The following ZNF888 variants were observed in gnomAD, a reference collection of about 807,000 sequenced individuals.
ZNF888 encodes the protein CTD-2331H12.6.
Under a neutral mutation model 7.2 loss-of-function variants are expected in ZNF888, and 5 were observed. That is an observed-to-expected ratio of 0.70 (90% CI 0.36 to 1.46). ZNF888 has a LOEUF of 1.46. Ranked by LOEUF, ZNF888 falls within the 40% of genes most tolerant of loss-of-function variation. The pLI, the probability that ZNF888 is intolerant of heterozygous loss-of-function variation, is 0.03. For missense variants in ZNF888, 716 were observed against 858.0 expected, an observed-to-expected ratio of 0.83 and a Z score of 2.07; for synonymous variants, 240 against 284.3, an observed-to-expected ratio of 0.84 and a Z score of 1.57.
rs575254330 is a variant in ZNF888 at position 52,918,107 on chromosome 19, C to T, written c.-58-176G>A. 6.0e-5 allele frequency: 85 copies of T among 1,405,938 alleles called. 1 individual carries two copies. The highest frequency in any genetic ancestry group is 7.5e-5 in the Non-Finnish European group (81 of 1,082,466). 87.1% of individuals were successfully genotyped at this position (1,405,938 alleles called of 1,614,324 possible). A position where few individuals can be genotyped will look rare whatever the true frequency, so the allele number is the denominator to read the frequency against. On this transcript the variant is annotated intron_variant, in intron 2 of 4. Transcript: ENST00000638862. ...CTCCTATAGGAAAACTCCCACTCCC[C>T]TTCTGGAGAAGCCCACACACACGCT...
rs934802193 is a variant in ZNF888, at chr19:52,913,659, T to G, written c.142+1537A>C. ...AATTTTAAGTTTCATTATTATACTA[T>G]AAGTTTAAGATGTTTAACATACCTG... On this transcript the variant is annotated intron_variant, in intron 4 of 4. Coordinates refer to ENST00000638862, the MANE Select transcript of ZNF888 (RefSeq NM_001393938.1). 5.4e-6 allele frequency: 5 copies of G among 925,544 alleles called. No individual in the cohort carries two copies. The African/African-American group carries it at 9.0e-5, about 17-fold the overall frequency. 57.3% of individuals were successfully genotyped at this position (925,544 alleles called of 1,614,324 possible).
In ZNF888 at chr19:52,919,892, C is replaced by T. The variant is rs1286912319; in HGVS notation, c.-177-955G>A. 5.0e-5 allele frequency among the ~76,000 whole-genome samples: 3 copies of T among 59,666 alleles called. 1 individual carries two copies. Among genetic ancestry groups the T allele is most frequent in the Admixed American group, 2.0e-4 (1 of 4,958 alleles). The allele number at this position is 59,666 out of a possible 152,430, so 39.1% of individuals were successfully genotyped here. On this transcript the variant is annotated intron_variant, in intron 1 of 4. Coordinates refer to ENST00000638862, the MANE Select transcript of ZNF888 (RefSeq NM_001393938.1). ...GAAACCCTCTGCCTGGCAACCGCCCCGTCTGAGAAGTGAGGAGCCCCTCCG... is the reference window on the plus strand; with the variant it reads ...GAAACCCTCTGCCTGGCAACCGCCCTGTCTGAGAAGTGAGGAGCCCCTCCG...
chr19:52,908,317 G>T, intron 4 of ZNF888, 138 bp from the exon 5 acceptor site: 3 of 824,900 alleles, frequency 3.6e-6, no homozygotes, highest in Admixed American at 2.6e-5. Flanking sequence ...AACACAAAAG[G>T]AGGAAGATCC....
rs186043801 is a variant in ZNF888 at position 52,912,905 on chromosome 19, T to C, written c.142+2291A>G. ...GGCAGATCAACTGAGGTCGGGAGTT[T>C]GAGACCACCCTAACCTACAAGGAGA... On this transcript the variant is annotated intron_variant, in intron 4 of 4. Transcript: ENST00000638862. Among the ~76,000 whole-genome samples the C allele has an allele frequency of 3.5e-3, 533 of 152,146 alleles. 4 individuals carry two copies. Among genetic ancestry groups the C allele is most frequent in the African/African-American group, 0.012 (509 of 41,540 alleles).
At chr19:52,915,477 T>TC (rs2064735293) in intron 3 of ZNF888, among the ~76,000 whole-genome samples, 155 bp from the exon 4 acceptor site, 1 of 45,634 alleles carries the variant, frequency 2.2e-5, no homozygotes, top group Non-Finnish European at 5.3e-5. Context: ...GTATTTTTTT[T>TC]CTTCTTTTTC....
At chr19:52,919,960 C>G (rs1188478244) in intron 1 of ZNF888, among the ~76,000 whole-genome samples, 2 of 56,020 alleles carry the variant, frequency 3.6e-5, no homozygotes, top group East Asian at 3.1e-4. Context: ...CCCCTCTGCC[C>G]GGCCAGCCGC....
At position 52,907,858 on chromosome 19, in the gene ZNF888, G is replaced by A; in HGVS notation, c.464C>T (p.Pro155Leu). 20 of 1,614,102 alleles carry A rather than the reference G, an allele frequency of 1.2e-5. No homozygotes were observed. Among genetic ancestry groups the A allele is most frequent in the Non-Finnish European group, 1.7e-5 (20 of 1,180,030 alleles). ...AAGTTGATTACCAATTTTCCCTTCG[G>A]GCTGAAATATGTGCAGTTCAGGCAG... ...SHLPELHIFQ[P>L]EGKIGNQLEK... is the part of the protein sequence containing the mutation. The change falls in exon 5 of 5, where the codon CCC (proline) becomes CTC (leucine). Residue 155 changes from proline to leucine, a missense_variant. Pro to Leu is a moderately conservative substitution (Grantham distance 98). This residue lies in a region of ZNF888 where 697 missense variants were observed against 803.4 expected (regional missense o/e 0.87). Coordinates refer to ENST00000638862, the MANE Select transcript of ZNF888 (RefSeq NM_001393938.1).
chr19:52,917,335 C>T, intron 3 of ZNF888: 2 of 246,736 alleles, frequency 8.1e-6, no homozygotes, highest in South Asian at 1.1e-4. Flanking sequence ...CACACACCAC[C>T]ATGCCCAGCT....
rs2064626282 is a variant in ZNF888, at chr19:52,907,605, C to G, written c.717G>C (p.Glu239Asp). The stretch of plus-strand genomic sequence containing the variant: ...CACATACATCACATTTATATTGTTT[C>G]TCTCCTAGATGAATTATCTGATGTT... ...FKKHQIIHLG[E>D]KQYKCDVCGK... Residue 239 changes from glutamate (E) to aspartate (D), a missense_variant, in exon 5 of 5, where the codon GAG becomes GAC. Coordinates refer to ENST00000638862, the MANE Select transcript of ZNF888 (RefSeq NM_001393938.1). 27 of 1,604,208 alleles carry G rather than the reference C, an allele frequency of 1.7e-5. No homozygotes were observed. The highest frequency in any genetic ancestry group is 2.1e-5 in the Non-Finnish European group (25 of 1,176,254).
intron 2 of ZNF888, among the ~76,000 whole-genome samples, 155 bp downstream of exon 2, chr19:52,918,664 G>A: frequency 6.6e-6 from 1 of 152,306 alleles, no homozygotes; most frequent in South Asian, 2.1e-4. Context: ...TACCCAGGAG[G>A]CTGAGGTTGG....
At chr19:52,915,588 CCT>C (rs1248624991) in intron 3 of ZNF888, among the ~76,000 whole-genome samples, 1 of 152,060 alleles carries the variant, frequency 6.6e-6, no homozygotes, top group Non-Finnish European at 1.5e-5. Context: ...CATTCTCCTC[CCT>C]CAGCCTCCCA....
At chr19:52,922,701 C>T (rs1259082232) in intron 1 of ZNF888, among the ~76,000 whole-genome samples, 3 of 152,180 alleles carry the variant, frequency 2.0e-5, no homozygotes, top group Non-Finnish European at 4.4e-5. Flanking sequence ...CTCTCTGTCT[C>T]CTGATCCCTT....
intron 4 of ZNF888, among the ~76,000 whole-genome samples, chr19:52,912,420 A>G (rs115938735): frequency 0.014 from 2,111 of 151,502 alleles, 42 homozygotes; most frequent in African/African-American, 0.049. Flanking sequence ...GCCAGCAATA[A>G]CATATTTTAA....
chr19:52,915,385 G>T, intron 3 of ZNF888, 63 bp from the exon 4 acceptor site: 1 of 1,611,698 alleles, frequency 6.2e-7, no homozygotes, highest in Non-Finnish European at 8.5e-7. Context: ...TACAGAAAAT[G>T]AGAAGAAGAG....
intron 3 of ZNF888, chr19:52,917,255 A>G (rs1240419274): frequency 4.2e-5 from 7 of 168,110 alleles, no homozygotes; most frequent in African/African-American, 1.7e-4. Context: ...ATCTCAGGTC[A>G]CTGCAACCTC....
At chr19:52,912,975 T>C (rs1267949568) in intron 4 of ZNF888, among the ~76,000 whole-genome samples, 1 of 151,668 alleles carries the variant, frequency 6.6e-6, no homozygotes, top group Non-Finnish European at 1.5e-5. Context: ...GGTGTGGCGA[T>C]GCATGCCTGT....
intron 1 of ZNF888, among the ~76,000 whole-genome samples, chr19:52,922,289 A>C (rs186218601): frequency 2.7e-5 from 4 of 150,424 alleles, no homozygotes; most frequent in Admixed American, 6.6e-5. Context: ...CTCCCTGTTA[A>C]ATTCTCTCTT....
At chr19:52,920,522 AAAAAG>A (rs2064813785) in intron 1 of ZNF888, among the ~76,000 whole-genome samples, 5 of 37,640 alleles carry the variant, frequency 1.3e-4, no homozygotes, top group African/African-American at 4.4e-4. Flanking sequence ...AAAAAGAAAA[AAAAAG>A]AAAAGGAAAA....
At position 52,913,320 on chromosome 19, in the gene ZNF888, C is replaced by CTTT. The variant is rs34481338; in HGVS notation, c.142+1873_142+1875dup. Among the ~76,000 whole-genome samples the CTTT allele has an allele frequency of 7.7e-3, 708 of 92,016 alleles. 7 individuals carry two copies. Among genetic ancestry groups the CTTT allele is most frequent in the African/African-American group, 8.5e-3 (203 of 23,974 alleles). The allele number at this position is 92,016 out of a possible 152,430, so 60.4% of individuals were successfully genotyped here. ...AAGTAGTTTTTGCAGGTTATGGATT[C>CTTT]TTTTTTTTTTTTTTTTTTTTTTGAG... is the stretch of plus-strand genomic sequence containing the variant. On this transcript the variant is annotated intron_variant, in intron 4 of 4. Coordinates refer to ENST00000638862, the MANE Select transcript of ZNF888 (RefSeq NM_001393938.1).
Sources: allele counts gnomAD v4.1 joint callset (sites outside exome capture counted in the v4.1 genomes callset), GRCh38; gene constraint gnomAD v4.1.1; regional missense constraint gnomAD v4.1.1; transcripts MANE v1.5; gene names NCBI Gene and HGNC (gene_info 2026-07-23, HGNC 2026-07-21).